Variants in GLIS3 observed in about 807,000 individuals in gnomAD.
The protein encoded by GLIS3 is GLIS family zinc finger 3.
GLIS3 carries 53 observed loss-of-function variants against 78.6 expected under a neutral mutation model. The ratio of observed to expected loss-of-function variants is 0.67; its 90% CI spans 0.54 to 0.85. GLIS3 has a LOEUF of 0.85. Ranked by LOEUF, GLIS3 falls within the 40% of genes least tolerant of loss-of-function variation. The pLI, the probability that GLIS3 is intolerant of heterozygous loss-of-function variation, is 0.00. For synonymous variants in GLIS3, 684 were observed against 509.9 expected (o/e 1.34, Z -4.60); for missense variants, 1,703 against 1,231.1 (o/e 1.38, Z -5.74).
the GLIS3 span, among the ~76,000 whole-genome samples, chr9:4,476,610 C>T: frequency 6.6e-4 from 101 of 152,270 alleles, no homozygotes; most frequent in African/African-American, 2.3e-3. Context: ...GATCCACTCA[C>T]CTCAGCCTCC....
intron 2 of GLIS3, among the ~76,000 whole-genome samples, chr9:4,242,360 C>G (rs1177392553): frequency 6.6e-6 from 1 of 152,132 alleles, no homozygotes; most frequent in Non-Finnish European, 1.5e-5. Context: ...CCAGGAAATC[C>G]TATACTTATT....
At chr9:4,410,919 G>A in the GLIS3 span, among the ~76,000 whole-genome samples, 1 of 152,116 alleles carries the variant, frequency 6.6e-6, no homozygotes, top group African/African-American at 2.4e-5. Context: ...TAGTCACTGT[G>A]AGAAATATAA....
In GLIS3 at chr9:4,118,139, G is replaced by A; in HGVS notation, c.1339C>T (p.Pro447Ser). ...PGSTVDLPPA[P>S]PLPPLPPPPG... ...GGCGGCGGCAGAGGAGGGAGCGGAGGCGCGGGGGGTAGGTCTACGGTGCTG... is the reference window on the plus strand; with the variant it reads ...GGCGGCGGCAGAGGAGGGAGCGGAGACGCGGGGGGTAGGTCTACGGTGCTG... Residue 447 changes from proline (P) to serine (S), a missense_variant, in exon 4 of 11, where the codon CCT (proline) becomes TCT (serine). Transcript: ENST00000381971. The surrounding 1 kb of genome is among the most constrained non-coding windows in gnomAD (Gnocchi z 4.7). 4.5e-6 allele frequency: 7 copies of A among 1,551,102 alleles called. No homozygotes were observed. Among genetic ancestry groups the A allele is most frequent in the African/African-American group, 1.4e-5 (1 of 73,760 alleles).
intron 4 of GLIS3, among the ~76,000 whole-genome samples, chr9:3,976,871 A>G (rs1055283184): frequency 2.3e-5 from 3 of 131,824 alleles, no homozygotes; most frequent in Admixed American, 7.8e-5. Flanking sequence ...TCTTTGGTGG[A>G]AAAAAAAAAA....
chr9:4,312,087 A>T (rs533690948), intron 2 of GLIS3, among the ~76,000 whole-genome samples: 1 of 152,246 alleles, frequency 6.6e-6, no homozygotes, highest in Non-Finnish European at 1.5e-5. Flanking sequence ...CCCGCATGAC[A>T]TGAGTTTACC....
chr9:4,337,628 C>G (rs955621976), intron 2 of GLIS3, among the ~76,000 whole-genome samples: 6 of 152,092 alleles, frequency 3.9e-5, no homozygotes, highest in Non-Finnish European at 7.3e-5. Context: ...GGACAAGGGC[C>G]TCAAGCATCA....
intron 4 of GLIS3, among the ~76,000 whole-genome samples, chr9:4,004,330 A>C (rs549446306): frequency 2.0e-5 from 3 of 152,332 alleles, no homozygotes; most frequent in Admixed American, 1.3e-4. Flanking sequence ...CTCAGTAAAG[A>C]AAATAACAGA....
the GLIS3 span, among the ~76,000 whole-genome samples, chr9:4,423,491 A>T: frequency 1.3e-5 from 2 of 152,152 alleles, no homozygotes; most frequent in African/African-American, 4.8e-5. Context: ...TTCCCAATGA[A>T]AAATGACACC....
chr9:4,133,536 T>C (rs1021162977), intron 2 of GLIS3, among the ~76,000 whole-genome samples: 13 of 152,116 alleles, frequency 8.5e-5, no homozygotes, highest in African/African-American at 2.4e-4. Flanking sequence ...TAGATTTCCA[T>C]CCTGGCTCCA....
rs541857023 is a variant in GLIS3, at chr9:4,116,953, G to A, written c.1710+815C>T. On this transcript the variant is annotated intron_variant, in intron 4 of 10. Coordinates refer to ENST00000381971, the MANE Select transcript of GLIS3 (RefSeq NM_001042413.2). ...CTGTTTATAAACCCTGAGGGTTTCT[G>A]TGAGGTGTGAAATTGTTGTGAAACC... Among the ~76,000 whole-genome samples the A allele has an allele frequency of 3.3e-5, 5 of 152,278 alleles. No homozygotes were observed. The East Asian group carries it at 9.7e-4, about 29-fold the overall frequency.
At position 3,928,704 on chromosome 9, in the gene GLIS3, C is replaced by T. The variant is rs577405096; in HGVS notation, c.1983+3656G>A. 1.4e-4 allele frequency among the ~76,000 whole-genome samples: 21 copies of T among 152,264 alleles called. No individual in the cohort carries two copies. In the South Asian group the frequency reaches 4.1e-3, roughly 30 times the overall value. On this transcript the variant is annotated intron_variant, in intron 6 of 10. Coordinates refer to ENST00000381971, the MANE Select transcript of GLIS3 (RefSeq NM_001042413.2). Reference sequence around the variant, plus strand: ...AGGACATATAAATGTGTGTTGCATTCGCGCCCATTTCAAATGCTATGCTTG... The same window carrying T: ...AGGACATATAAATGTGTGTTGCATTTGCGCCCATTTCAAATGCTATGCTTG...
chr9:4,461,934 T>C, the GLIS3 span, among the ~76,000 whole-genome samples: 3 of 152,234 alleles, frequency 2.0e-5, no homozygotes, highest in African/African-American at 4.8e-5. Context: ...GCTTTGTAGA[T>C]TGTTTTACAT....
chr9:4,191,777 G>A (rs187067682), intron 2 of GLIS3, among the ~76,000 whole-genome samples: 1 of 151,912 alleles, frequency 6.6e-6, no homozygotes, highest in East Asian at 1.9e-4. Flanking sequence ...TGGCTCTACT[G>A]GTACCTACCT....
At chr9:3,871,404 C>G (rs1421239880) in intron 8 of GLIS3, among the ~76,000 whole-genome samples, 1 of 152,224 alleles carries the variant, frequency 6.6e-6, no homozygotes, top group Admixed American at 6.5e-5. Flanking sequence ...TCTCCAACCC[C>G]ACATTTCCCT....
chr9:4,039,002 C>T (rs1036250266), intron 4 of GLIS3, among the ~76,000 whole-genome samples: 1 of 152,188 alleles, frequency 6.6e-6, no homozygotes, highest in Non-Finnish European at 1.5e-5. Flanking sequence ...AGCTGAGCAG[C>T]TTGCCACAAC....
At chr9:4,302,230 C>T (rs1365092668), upstream of GLIS3, among the ~76,000 whole-genome samples, 2 of 152,122 alleles carry the variant, frequency 1.3e-5, no homozygotes, top group African/African-American at 2.4e-5. Flanking sequence ...AGCTCTCCAT[C>T]GTGCTTAGGA....
Position 4,123,620 on chromosome 9 carries a change from G to C in GLIS3, c.596+2114C>G, listed in dbSNP as rs138995088. The C allele has an allele frequency of 5.6e-5, 21 of 376,256 alleles. No homozygotes were observed. The Admixed American group carries it at 6.7e-4, about 12-fold the overall frequency. 23.3% of individuals were successfully genotyped at this position (376,256 alleles called of 1,614,324 possible). On this transcript the variant is annotated intron_variant, in intron 3 of 10. Coordinates refer to ENST00000381971, the MANE Select transcript of GLIS3 (RefSeq NM_001042413.2). The stretch of plus-strand genomic sequence containing the variant: ...GAAGCCATTATATGATGTTGAAAGA[G>C]GCTTTTATTATAAAAGCTTATAATA...
chr9:4,217,444 T>TG (rs1451888055), intron 2 of GLIS3, among the ~76,000 whole-genome samples: 1 of 152,176 alleles, frequency 6.6e-6, no homozygotes, highest in Non-Finnish European at 1.5e-5. Flanking sequence ...GGGGACATCA[T>TG]GGGCAGACAT....
At chr9:4,353,061 G>A (rs1817995270), upstream of GLIS3, among the ~76,000 whole-genome samples, 1 of 152,142 alleles carries the variant, frequency 6.6e-6, no homozygotes, top group South Asian at 2.1e-4. Context: ...TCAGCCTGGG[G>A]TATGGTGGCC....
Sources: allele counts gnomAD v4.1 joint callset (sites outside exome capture counted in the v4.1 genomes callset), GRCh38; gene constraint gnomAD v4.1.1; non-coding constraint Gnocchi (gnomAD v3.1); transcripts MANE v1.5; gene names NCBI Gene and HGNC (gene_info 2026-07-23, HGNC 2026-07-21).